Variants in RPTOR observed in about 807,000 individuals in gnomAD.
The protein encoded by RPTOR is regulatory-associated protein of mTOR.
RPTOR carries 21 observed loss-of-function variants against 169.9 expected under a neutral mutation model. The observed-to-expected ratio is 0.12, with a 90% CI of 0.09 to 0.18. The LOEUF is 0.18. RPTOR is among the 10% of genes least tolerant of loss of function. RPTOR has a pLI of 1.00. For missense variants in RPTOR, 1,133 were observed against 1,855.9 expected (o/e 0.61, Z 7.16); for synonymous variants, 732 against 753.2 (o/e 0.97, Z 0.46).
intron 2 of RPTOR, among the ~76,000 whole-genome samples, chr17:80,636,527 C>T (rs1006846108): frequency 3.3e-5 from 5 of 152,248 alleles, no homozygotes; most frequent in East Asian, 1.9e-4. Context: ...TGTCCTGTCA[C>T]GGTGAAAGGG....
intron 6 of RPTOR, among the ~76,000 whole-genome samples, chr17:80,785,294 G>A (rs2066980475): frequency 6.6e-6 from 1 of 152,248 alleles, no homozygotes; most frequent in Non-Finnish European, 1.5e-5. Flanking sequence ...GGGATATTAG[G>A]GACTGGAGTC....
chr17:80,559,693 CATG>C (rs936065053), intron 1 of RPTOR, among the ~76,000 whole-genome samples: 1 of 152,172 alleles, frequency 6.6e-6, no homozygotes, highest in Non-Finnish European at 1.5e-5. Flanking sequence ...AGCTCCTCAC[CATG>C]ATATGTTCAG....
chr17:80,942,994 C>T (rs746474338), intron 25 of RPTOR, among the ~76,000 whole-genome samples: 10 of 152,248 alleles, frequency 6.6e-5, no homozygotes, highest in Non-Finnish European at 1.2e-4. Context: ...TTCGGGCCTG[C>T]CTGCCTCTGT....
intron 1 of RPTOR, among the ~76,000 whole-genome samples, chr17:80,607,230 C>T (rs758666834): frequency 6.6e-5 from 10 of 152,290 alleles, no homozygotes; most frequent in African/African-American, 1.7e-4. Context: ...TGAGCCACCG[C>T]GCCCAGCTTT....
intron 1 of RPTOR, among the ~76,000 whole-genome samples, chr17:80,560,657 C>T (rs375615553): frequency 6.6e-6 from 1 of 152,110 alleles, no homozygotes; most frequent in African/African-American, 2.4e-5. Context: ...CAGGGAAACG[C>T]CACTGGGGGC....
chr17:80,817,998 C>T (rs1333613562), intron 7 of RPTOR, among the ~76,000 whole-genome samples: 3 of 152,148 alleles, frequency 2.0e-5, no homozygotes, highest in Non-Finnish European at 4.4e-5. Context: ...CACAGGTGAG[C>T]CCGGAAGTGT....
intron 3 of RPTOR, among the ~76,000 whole-genome samples, chr17:80,664,430 C>T (rs2065747919): frequency 6.6e-6 from 1 of 152,172 alleles, no homozygotes; most frequent in African/African-American, 2.4e-5. Flanking sequence ...TTCACCCTCT[C>T]CTCCTCGATG....
chr17:80,939,329 C>G (rs548165101), intron 24 of RPTOR, among the ~76,000 whole-genome samples: 152 of 152,346 alleles, frequency 1.0e-3, no homozygotes, highest in African/African-American at 3.2e-3. Context: ...GTGCACACCC[C>G]AACCCACATG....
intron 1 of RPTOR, chr17:80,593,680 A>G (rs2065123979): frequency 6.6e-6 from 1 of 152,306 alleles, no homozygotes; most frequent in Admixed American, 6.5e-5. Context: ...GTGAGAATCC[A>G]GTGACTTCTA....
rs568039789 is a variant in RPTOR, at chr17:80,854,285, T to C, written c.1315-1179T>C. ...CACAAGCTTTAAATTTATTATTTAA[T>C]TTAATGAAACCCTTGTGGGCAGGTG... On this transcript the variant is annotated intron_variant, in intron 11 of 33. Transcript: ENST00000306801. 3.2e-3 allele frequency among the ~76,000 whole-genome samples: 486 copies of C among 152,378 alleles called. 4 individuals carry two copies. Among genetic ancestry groups the C allele is most frequent in the African/African-American group, 0.011 (473 of 41,584 alleles).
At position 80,894,207 on chromosome 17, in the gene RPTOR, G is replaced by A. The variant is rs115605158; in HGVS notation, c.2401+342G>A. ...GCTGGACACCCTGGTGATGCAGAAC[G>A]GTGGTTCTCAGCCGGGGGTGGTTTT... is the stretch of plus-strand genomic sequence containing the variant. On this transcript the variant is annotated intron_variant, in intron 20 of 33. Transcript: ENST00000306801. Among the ~76,000 whole-genome samples the A allele has an allele frequency of 6.5e-3, 993 of 152,276 alleles. 13 individuals are homozygous for A. Among genetic ancestry groups the A allele is most frequent in the African/African-American group, 0.023 (936 of 41,542 alleles).
intron 6 of RPTOR, among the ~76,000 whole-genome samples, chr17:80,785,516 G>A (rs1439212539): frequency 2.0e-5 from 3 of 152,166 alleles, no homozygotes; most frequent in Non-Finnish European, 4.4e-5. Context: ...TGGGGAGCTG[G>A]CAGGTTCCCG....
At chr17:80,949,707 C>T (rs1457677142) in intron 28 of RPTOR, among the ~76,000 whole-genome samples, 160 bp downstream of exon 28, 6 of 152,218 alleles carry the variant, frequency 3.9e-5, no homozygotes, top group Non-Finnish European at 7.4e-5. Context: ...TCCCCGAAAG[C>T]GTGAGAGCCC....
intron 13 of RPTOR, among the ~76,000 whole-genome samples, chr17:80,866,244 A>G (rs964875511): frequency 2.0e-5 from 3 of 151,318 alleles, no homozygotes; most frequent in African/African-American, 7.3e-5. Context: ...TTATATAAAC[A>G]TGTATATTAA....
intron 20 of RPTOR, among the ~76,000 whole-genome samples, chr17:80,905,172 C>G (rs1422656565): frequency 9.3e-6 from 1 of 107,992 alleles, no homozygotes; most frequent in Non-Finnish European, 1.9e-5. Flanking sequence ...AGTGGTTATG[C>G]TCTCTTGTTT....
intron 28 of RPTOR, among the ~76,000 whole-genome samples, chr17:80,952,217 G>A (rs534113918): frequency 2.1e-4 from 32 of 152,350 alleles, no homozygotes; most frequent in African/African-American, 7.0e-4. Context: ...GTTGGCATTT[G>A]ATAGATTAAT....
chr17:80,851,512 A>G lies in RPTOR; in HGVS notation c.1315-3952A>G, dbSNP rs184778472. Reference sequence around the variant, plus strand: ...ATGTAATGTTTGAGAAAAAAAAAACAGTACTTAACCTTTCCGCCAATACTC... The same window carrying G: ...ATGTAATGTTTGAGAAAAAAAAAACGGTACTTAACCTTTCCGCCAATACTC... On this transcript the variant is annotated intron_variant, in intron 11 of 33. Coordinates refer to ENST00000306801, the MANE Select transcript of RPTOR (RefSeq NM_020761.3). Among the ~76,000 whole-genome samples the G allele has an allele frequency of 2.0e-3, 298 of 151,328 alleles. 1 individual carries two copies. The highest frequency in any genetic ancestry group is 6.5e-3 in the African/African-American group (269 of 41,242).
chr17:80,705,697 C>T (rs1256086761), intron 3 of RPTOR, among the ~76,000 whole-genome samples: 1 of 152,026 alleles, frequency 6.6e-6, no homozygotes, highest in African/African-American at 2.4e-5. Context: ...TCTTTATTTT[C>T]TTTATTTTTA....
intron 1 of RPTOR, among the ~76,000 whole-genome samples, chr17:80,596,455 C>A (rs920497995): frequency 2.0e-5 from 3 of 151,674 alleles, no homozygotes; most frequent in Non-Finnish European, 4.4e-5. Context: ...AGTGGTGGGT[C>A]CTCTTATGGG....
Sources: allele counts gnomAD v4.1 joint callset (sites outside exome capture counted in the v4.1 genomes callset), GRCh38; gene constraint gnomAD v4.1.1; transcripts MANE v1.5; gene names NCBI Gene and HGNC (gene_info 2026-07-23, HGNC 2026-07-21).